The following HMG20A variants were observed in gnomAD, a reference collection of about 807,000 sequenced individuals.
The protein encoded by HMG20A is high mobility group 20A.
In HMG20A, 17 loss-of-function variants were observed where a neutral mutation model predicts 43.9. That is an observed-to-expected ratio of 0.39 (90% CI 0.27 to 0.58). HMG20A has a LOEUF of 0.58. Ranked by LOEUF, HMG20A falls within the 20% of genes least tolerant of loss-of-function variation. The probability of loss-of-function intolerance (pLI) is 0.59; values close to 1 mark genes in which losing one functional copy is unlikely to be tolerated. For missense variants in HMG20A, 341 were observed against 438.2 expected, an observed-to-expected ratio of 0.78 and a Z score of 1.98; for synonymous variants, 132 against 147.5, an observed-to-expected ratio of 0.89 and a Z score of 0.76.
intron 1 of HMG20A, among the ~76,000 whole-genome samples, chr15:77,441,410 C>T (rs1340007544): frequency 2.6e-5 from 4 of 152,060 alleles, no homozygotes; most frequent in Non-Finnish European, 5.9e-5. Context: ...CTATTTTCTG[C>T]TAGTTTGTTA....
chr15:77,497,674 AGAGAGAGAGTGT>A, the HMG20A span, among the ~76,000 whole-genome samples: 11 of 128,594 alleles, frequency 8.6e-5, no homozygotes, highest in Non-Finnish European at 1.4e-4. Context: ...AGAGAGAGAG[AGAGAGAGAGTGT>A]GTGTGTGTGT....
At chr15:77,433,757 G>A (rs2073515185) in intron 1 of HMG20A, among the ~76,000 whole-genome samples, 1 of 152,140 alleles carries the variant, frequency 6.6e-6, no homozygotes, top group African/African-American at 2.4e-5. Flanking sequence ...AGAGAAACAA[G>A]ATATAATAGG....
chr15:77,497,680 AGAGTGTGT>A, the HMG20A span, among the ~76,000 whole-genome samples: 130 of 129,866 alleles, frequency 1.0e-3, no homozygotes, highest in African/African-American at 3.2e-3. Context: ...AGAGAGAGAG[AGAGTGTGT>A]GTGTGTGTGT....
chr15:77,519,504 G>C, the HMG20A span, among the ~76,000 whole-genome samples: 1 of 152,128 alleles, frequency 6.6e-6, no homozygotes. Flanking sequence ...GGAAGTAATC[G>C]AGTCCTGAAG....
the HMG20A span, among the ~76,000 whole-genome samples, chr15:77,497,678 AGAGAGTGT>A: frequency 6.2e-3 from 797 of 129,404 alleles, 4 homozygotes; most frequent in South Asian, 0.015. Flanking sequence ...AGAGAGAGAG[AGAGAGTGT>A]GTGTGTGTGT....
chr15:77,424,921 A>C (rs932085458), intron 1 of HMG20A, among the ~76,000 whole-genome samples: 1 of 151,980 alleles, frequency 6.6e-6, no homozygotes, highest in African/African-American at 2.4e-5. Context: ...CATACCTCAC[A>C]TTATTCATCT....
chr15:77,454,254 T>C (rs2072634445), intron 1 of HMG20A, among the ~76,000 whole-genome samples: 1 of 151,718 alleles, frequency 6.6e-6, no homozygotes, highest in African/African-American at 2.4e-5. Context: ...TGCTAAAGGA[T>C]ATTGTGTTTC....
intron 6 of HMG20A, among the ~76,000 whole-genome samples, chr15:77,472,360 C>T (rs1353638140): frequency 6.6e-6 from 1 of 152,120 alleles, no homozygotes; most frequent in Non-Finnish European, 1.5e-5. Flanking sequence ...CTGCAACCTC[C>T]GCCTCCCGGG....
At chr15:77,441,631 C>T (rs909388889) in intron 1 of HMG20A, among the ~76,000 whole-genome samples, 3 of 152,084 alleles carry the variant, frequency 2.0e-5, no homozygotes, top group African/African-American at 7.2e-5. Flanking sequence ...CTTCCTACTG[C>T]CTCAGGTTGT....
At chr15:77,480,125 T>A (rs1015795698) in intron 9 of HMG20A, among the ~76,000 whole-genome samples, 1 of 141,480 alleles carries the variant, frequency 7.1e-6, no homozygotes, top group African/African-American at 2.5e-5. Context: ...ACCCCGTATC[T>A]ACAAAAAATA....
intron 1 of HMG20A, among the ~76,000 whole-genome samples, chr15:77,450,411 G>A (rs1300795273): frequency 2.0e-5 from 3 of 152,184 alleles, no homozygotes; most frequent in Non-Finnish European, 4.4e-5. Flanking sequence ...ATGGCTTGAA[G>A]GTAATTTTAT....
chr15:77,450,090 AG>A (rs2073718912), intron 1 of HMG20A, among the ~76,000 whole-genome samples: 1 of 152,104 alleles, frequency 6.6e-6, no homozygotes, highest in South Asian at 2.1e-4. Context: ...GAAGTGTTTC[AG>A]GTTTCAGATC....
downstream of HMG20A, among the ~76,000 whole-genome samples, chr15:77,487,352 G>C (rs1251950101): frequency 6.6e-6 from 1 of 152,194 alleles, no homozygotes; most frequent in Admixed American, 6.5e-5. Flanking sequence ...AACTATGTGT[G>C]ACTTCATTTA....
At chr15:77,470,367 T>A (rs2072795989) in intron 4 of HMG20A, among the ~76,000 whole-genome samples, 1 of 152,200 alleles carries the variant, frequency 6.6e-6, no homozygotes, top group African/African-American at 2.4e-5. Flanking sequence ...CATTTTTAGG[T>A]CCATAGGATG....
At chr15:77,477,981 C>CT (rs2072871465) in intron 7 of HMG20A, 1 of 487,634 alleles carries the variant, frequency 2.1e-6, no homozygotes, top group Non-Finnish European at 3.7e-6. Flanking sequence ...CAGGATCCCC[C>CT]TGCAAAACCC....
Position 77,467,144 on chromosome 15 carries a change from C to T in HMG20A, c.287C>T (p.Pro96Leu), listed in dbSNP as rs1451230986. The change falls in exon 4 of 10, where the codon CCT (proline) becomes CTT (leucine). Residue 96 changes from proline (P) to leucine (L), a missense_variant. Pro to Leu is a moderately conservative substitution (Grantham distance 98, BLOSUM62 -3). This residue lies in a region of HMG20A where 220 missense variants were observed against 263.6 expected (regional missense o/e 0.83). Coordinates refer to ENST00000336216, the MANE Select transcript of HMG20A (RefSeq NM_001304504.2). Reference protein sequence around the residue: ...GWSKGRKRKKPLRDSNAPKSP... With the variant: ...GWSKGRKRKKLLRDSNAPKSP... ...TCCAAAGGAAGAAAGAGGAAGAAAC[C>T]TCTTCGAGACAGCAATGCACCCAAA... 3 of 1,614,030 alleles carry T rather than the reference C, an allele frequency of 1.9e-6. No individual in the cohort carries two copies. Among genetic ancestry groups the T allele is most frequent in the Admixed American group, 1.7e-5 (1 of 60,004 alleles).
chr15:77,480,535 C>T (rs1252514463), intron 9 of HMG20A, among the ~76,000 whole-genome samples: 1 of 151,094 alleles, frequency 6.6e-6, no homozygotes, highest in Non-Finnish European at 1.5e-5. Flanking sequence ...ATCACTTAAT[C>T]CCAGGAGTTC....
chr15:77,424,837 A>G (rs772150111), intron 1 of HMG20A, among the ~76,000 whole-genome samples: 9 of 152,212 alleles, frequency 5.9e-5, no homozygotes, highest in Non-Finnish European at 1.0e-4. Flanking sequence ...TTGAATTGTT[A>G]CAGGCAGACT....
chr15:77,497,175 C>G, the HMG20A span, among the ~76,000 whole-genome samples: 2 of 152,232 alleles, frequency 1.3e-5, no homozygotes, highest in Non-Finnish European at 2.9e-5. Flanking sequence ...AGCTGGCTCT[C>G]TTTGTGTTTC....
Sources: gnomAD v4.1 joint callset for allele counts (sites outside exome capture counted in the v4.1 genomes callset) on GRCh38, gnomAD v4.1.1 for gene constraint, gnomAD v4.1.1 regional missense constraint, MANE v1.5 for transcripts, NCBI Gene and HGNC (gene_info 2026-07-23, HGNC 2026-07-21) for gene names.